Variants in HIVEP3 observed in about 807,000 individuals in gnomAD.
HIVEP3 encodes the protein transcription factor HIVEP3.
A neutral mutation model predicts 152.8 loss-of-function variants in HIVEP3; 49 were observed. The observed-to-expected ratio is 0.32, with a 90% CI of 0.26 to 0.41. HIVEP3 has a LOEUF of 0.41. Among genes scored for constraint, HIVEP3 ranks in the 10% least tolerant of loss-of-function variants. The pLI is 1.00. For synonymous variants in HIVEP3, 1,269 were observed against 1,289.0 expected (o/e 0.98, Z 0.33); for missense variants, 2,790 against 3,103.3 (o/e 0.90, Z 2.40).
chr1:41,641,933 G>A (rs576470476), intron 2 of HIVEP3, among the ~76,000 whole-genome samples: 2 of 152,316 alleles, frequency 1.3e-5, no homozygotes, highest in Admixed American at 6.5e-5. Context: ...TGACATCTCC[G>A]GGCCTCCGTG....
intron 1 of HIVEP3, among the ~76,000 whole-genome samples, chr1:42,013,142 T>C (rs952571246): frequency 6.6e-6 from 1 of 152,182 alleles, no homozygotes; most frequent in Non-Finnish European, 1.5e-5. Flanking sequence ...CCTTGGCTTG[T>C]AGGTGGCTGT....
In HIVEP3 at chr1:41,954,196, G is replaced by T. The variant is rs553429824; in HGVS notation, n.120-35672C>A. ...AGGACAGATGCAGCGCTGGATGTGT[G>T]GAATATTTAAAGGTTCCCTTGCAGC... On this transcript the variant is annotated intron_variant and non_coding_transcript_variant, in intron 1 of 3. Coordinates refer to the HIVEP3 transcript ENST00000489103. Among the ~76,000 whole-genome samples, 114 of 152,262 alleles carry T rather than the reference G, an allele frequency of 7.5e-4. 1 individual carries two copies. Among genetic ancestry groups the T allele is most frequent in the African/African-American group, 2.6e-3 (106 of 41,542 alleles).
chr1:41,820,044 T>C (rs1454878598), intron 1 of HIVEP3, among the ~76,000 whole-genome samples: 1 of 152,118 alleles, frequency 6.6e-6, no homozygotes, highest in Non-Finnish European at 1.5e-5. Flanking sequence ...TAAAACTTTA[T>C]TGACAAAAAC....
chr1:41,616,582 T>TC (rs1482603716), intron 3 of HIVEP3, among the ~76,000 whole-genome samples: 1 of 151,018 alleles, frequency 6.6e-6, no homozygotes, highest in Non-Finnish European at 1.5e-5. Context: ...TTTTTTTTTT[T>TC]TTCAAACAGG....
rs556228313 is a variant in HIVEP3 at position 41,575,541 on chromosome 1, T to G, written c.5207+3A>C. 1 of 1,613,894 alleles carries G rather than the reference T, an allele frequency of 6.2e-7. No homozygotes were observed. Among genetic ancestry groups the G allele is most frequent in the East Asian group, 2.2e-5 (1 of 44,884 alleles). On this transcript the variant is annotated splice_donor_region_variant and intron_variant, in intron 5 of 8. Coordinates refer to ENST00000372583, the MANE Select transcript of HIVEP3 (RefSeq NM_024503.5). ...GACGATGGAAACCAAACATGAGTCT[T>G]ACCCTCCTTCGAAGATTTTGATCCT...
intron 2 of HIVEP3, among the ~76,000 whole-genome samples, chr1:41,640,991 G>A (rs551733873): frequency 6.6e-6 from 1 of 152,374 alleles, no homozygotes; most frequent in African/African-American, 2.4e-5. Flanking sequence ...ACAAGAGCAA[G>A]AGTGCACGCC....
rs184656994 is a variant in HIVEP3, at chr1:41,825,356, G to A, written c.-801+93057C>T. Among the ~76,000 whole-genome samples the A allele has an allele frequency of 1.1e-4, 16 of 152,176 alleles. 1 individual carries two copies. Among genetic ancestry groups the A allele is most frequent in the African/African-American group, 3.6e-4 (15 of 41,528 alleles). ...TCACAAAATACATTATCACAAGGGC[G>A]GGGGAATGTCACCATGGCTTGACCA... On this transcript the variant is annotated intron_variant, in intron 1 of 8. Transcript: ENST00000372583.
At chr1:41,852,096 T>A (rs1393186004) in intron 1 of HIVEP3, among the ~76,000 whole-genome samples, 1 of 152,252 alleles carries the variant, frequency 6.6e-6, no homozygotes, top group East Asian at 1.9e-4. Context: ...CCACATAGGC[T>A]CTGGAGAGAT....
intron 2 of HIVEP3, among the ~76,000 whole-genome samples, chr1:41,687,677 C>T (rs931249689): frequency 2.0e-5 from 3 of 152,250 alleles, no homozygotes; most frequent in Non-Finnish European, 4.4e-5. Context: ...GCCCCTTCAT[C>T]ATCTGAGAAA....
At chr1:42,005,076 C>T (rs747334285) in intron 1 of HIVEP3, among the ~76,000 whole-genome samples, 3 of 152,204 alleles carry the variant, frequency 2.0e-5, no homozygotes, top group Non-Finnish European at 4.4e-5. Context: ...GCCATTCCCG[C>T]TGATGGGAGC....
rs1288409899 is a variant in HIVEP3, at chr1:41,544,748, TACC to T, written c.5208-19841_5208-19839del. ...CCACCACCGCTACCATCACCACCACTACCACCACCATCACCACCACTACCACTA... is the reference window on the plus strand; with the variant it reads ...CCACCACCGCTACCATCACCACCACTACCACCATCACCACCACTACCACTA... On this transcript the variant is annotated intron_variant, in intron 5 of 8. Coordinates refer to ENST00000372583, the MANE Select transcript of HIVEP3 (RefSeq NM_024503.5). Among the ~76,000 whole-genome samples the T allele has an allele frequency of 2.0e-3, 170 of 85,196 alleles. 2 individuals are homozygous for T. The highest frequency in any genetic ancestry group is 8.8e-3 in the African/African-American group (168 of 19,102). The allele number at this position is 85,196 out of a possible 152,430, so 55.9% of individuals were successfully genotyped here.
chr1:42,029,360 C>CA (rs1197468705), intron 1 of HIVEP3, among the ~76,000 whole-genome samples: 1 of 151,944 alleles, frequency 6.6e-6, no homozygotes, highest in Admixed American at 6.6e-5. Flanking sequence ...TGGGTCTGGA[C>CA]AAAAAAACAA....
At chr1:41,905,995 T>C (rs965554651) in intron 1 of HIVEP3, among the ~76,000 whole-genome samples, 2 of 152,136 alleles carry the variant, frequency 1.3e-5, no homozygotes, top group Non-Finnish European at 2.9e-5. Context: ...TCCAAATTTC[T>C]ATCAACAGGT....
chr1:41,816,312 C>G (rs1027636535), intron 1 of HIVEP3, among the ~76,000 whole-genome samples: 1 of 152,168 alleles, frequency 6.6e-6, no homozygotes, highest in Non-Finnish European at 1.5e-5. Flanking sequence ...GCCATTCAAA[C>G]CTGGTGAAAC....
intron 1 of HIVEP3, among the ~76,000 whole-genome samples, chr1:41,718,774 CCACA>C (rs3064313): frequency 0.012 from 1,725 of 148,516 alleles, 24 homozygotes; most frequent in African/African-American, 0.035. Context: ...TCTTTCACAC[CCACA>C]CACACACACA....
chr1:41,624,346 T>G (rs2149144485), intron 3 of HIVEP3, among the ~76,000 whole-genome samples: 1 of 152,324 alleles, frequency 6.6e-6, no homozygotes, highest in East Asian at 1.9e-4. Flanking sequence ...ACAGTTTGAC[T>G]CCTATTCTAA....
At chr1:41,696,840 AT>A (rs1558188113) in intron 2 of HIVEP3, among the ~76,000 whole-genome samples, 3 of 152,100 alleles carry the variant, frequency 2.0e-5, no homozygotes, top group South Asian at 2.1e-4. Context: ...TAGTAGGTGA[AT>A]TTTTTTTCCT....
intron 1 of HIVEP3, among the ~76,000 whole-genome samples, chr1:41,816,106 C>A (rs576221495): frequency 6.6e-6 from 1 of 152,154 alleles, no homozygotes; most frequent in African/African-American, 2.4e-5. Context: ...GCATTTGAAC[C>A]CAGTTCAGCC....
intron 5 of HIVEP3, among the ~76,000 whole-genome samples, chr1:41,552,216 A>T (rs968261670): frequency 3.3e-5 from 5 of 151,834 alleles, no homozygotes; most frequent in Admixed American, 6.6e-5. Flanking sequence ...TTATTTATTT[A>T]TTTTTTCATT....
Sources: gnomAD v4.1 joint callset for allele counts (sites outside exome capture counted in the v4.1 genomes callset) on GRCh38, gnomAD v4.1.1 for gene constraint, MANE v1.5 for transcripts, NCBI Gene and HGNC (gene_info 2026-07-23, HGNC 2026-07-21) for gene names.